Variants in ZNF667 observed in about 807,000 individuals in gnomAD.
ZNF667 encodes zinc finger protein 667.
In ZNF667, 13 loss-of-function variants were observed where a neutral mutation model predicts 31.8. The observed-to-expected ratio is 0.41, with a 90% CI of 0.27 to 0.65. The LOEUF is 0.65. Among genes scored for constraint, ZNF667 ranks in the 30% least tolerant of loss-of-function variants. The pLI, the probability that ZNF667 is intolerant of heterozygous loss-of-function variation, is 0.32. For synonymous variants in ZNF667, 228 were observed against 247.1 expected (o/e 0.92, Z 0.73); for missense variants, 642 against 725.6 (o/e 0.88, Z 1.32).
chr19:56,473,813 T>C (rs934468193), intron 2 of ZNF667, among the ~76,000 whole-genome samples, 199 bp downstream of exon 2: 1 of 152,108 alleles, frequency 6.6e-6, no homozygotes, highest in Admixed American at 6.5e-5. Context: ...CAAAATATAG[T>C]ATACAAATAC....
intron 1 of ZNF667, chr19:56,477,064 A>T (rs1369384053): frequency 6.6e-6 from 1 of 152,346 alleles, no homozygotes; most frequent in Non-Finnish European, 1.5e-5. Flanking sequence ...AGCCCCGAGA[A>T]CCACAGCAGC....
chr19:56,462,246 C>T, intron 4 of ZNF667, 92 bp downstream of exon 4: 1 of 1,515,084 alleles, frequency 6.6e-7, no homozygotes, highest in Non-Finnish European at 9.1e-7. Flanking sequence ...GGATCTCCAA[C>T]AGGCAACAAG....
rs149168669 is a variant in ZNF667 at position 56,442,633 on chromosome 19, C to T, written c.362G>A (p.Arg121Gln). The change falls in exon 7 of 7, where the codon CGA becomes CAA. Residue 121 changes from arginine (R) to glutamine (Q), a missense_variant. Coordinates refer to ENST00000504904, the MANE Select transcript of ZNF667 (RefSeq NM_001321356.2). ...TGAATTTTTGTTGCAGCCACTCTTTCGTGTAGGAGCTTTTTGTTGTGCAGA... is the reference window on the plus strand; with the variant it reads ...TGAATTTTTGTTGCAGCCACTCTTTTGTGTAGGAGCTTTTTGTTGTGCAGA... Reference protein sequence around the residue: ...LVSAQQKAPTRKSGCNKNSVL... With the variant: ...LVSAQQKAPTQKSGCNKNSVL... The T allele has an allele frequency of 3.1e-6, 5 of 1,613,784 alleles. No homozygotes were observed. The highest frequency in any genetic ancestry group is 2.2e-5 in the East Asian group (1 of 44,876).
At position 56,458,210 on chromosome 19, in the gene ZNF667, C is replaced by T; in HGVS notation, c.198G>A (p.Leu66=). 6.2e-7 allele frequency: 1 copy of T among 1,614,146 alleles called. No homozygotes were observed. The highest frequency in any genetic ancestry group is 8.5e-7 in the Non-Finnish European group (1 of 1,180,022). ...SFRRPNVITL[L]EKGKAPWMVE... is the part of the protein sequence containing the mutation. The stretch of plus-strand genomic sequence containing the variant: ...CCATCCAGGGTGCTTTCCCTTTCTC[C>T]AATAAGGTGATCACATTTGGTCTCC... The change falls in exon 6 of 7, where the codon TTG becomes TTA. Residue 66 remains leucine (L), a synonymous_variant. Transcript: ENST00000504904.
intron 6 of ZNF667, among the ~76,000 whole-genome samples, chr19:56,456,596 A>G (rs1020888309): frequency 6.6e-6 from 1 of 152,144 alleles, no homozygotes; most frequent in African/African-American, 2.4e-5. Context: ...CCCCTCTGTG[A>G]CTCAGTACTA....
At position 56,440,685 on chromosome 19, in the gene ZNF667, G is replaced by A. The variant is rs1297265835; in HGVS notation, c.*477C>T. On this transcript the variant is annotated 3_prime_UTR_variant, in exon 7 of 7. Transcript: ENST00000504904. ...AGAGTCTTGCTCTGTTGCCCAGACTGGAGTGCAGTGGTGCAATCTCTGCTC... is the reference window on the plus strand; with the variant it reads ...AGAGTCTTGCTCTGTTGCCCAGACTAGAGTGCAGTGGTGCAATCTCTGCTC... 1 of 760,970 alleles carries A rather than the reference G, an allele frequency of 1.3e-6. No homozygotes were observed. The highest frequency in any genetic ancestry group is 1.9e-5 in the African/African-American group (1 of 51,778). 47.1% of individuals were successfully genotyped at this position (760,970 alleles called of 1,614,324 possible). A position where few individuals can be genotyped will look rare whatever the true frequency, so the allele number is the denominator to read the frequency against.
chr19:56,444,054 T>C (rs2042671837), intron 6 of ZNF667: 1 of 392,130 alleles, frequency 2.6e-6, no homozygotes, highest in Non-Finnish European at 4.5e-6. Flanking sequence ...AGTATCTCAT[T>C]GTAAAAATGC....
chr19:56,467,361 CGGG>C, intron 3 of ZNF667, among the ~76,000 whole-genome samples: 1 of 151,840 alleles, frequency 6.6e-6, no homozygotes, highest in Non-Finnish European at 1.5e-5. Context: ...ATCTTGGGGG[CGGG>C]GGAAATTATC....
At position 56,440,831 on chromosome 19, in the gene ZNF667, T is replaced by C. The variant is rs1349453322; in HGVS notation, c.*331A>G. The C allele has an allele frequency of 1.2e-5, 10 of 849,126 alleles. No individual in the cohort carries two copies. Among genetic ancestry groups the C allele is most frequent in the Non-Finnish European group, 1.5e-5 (10 of 678,642 alleles). The allele number at this position is 849,126 out of a possible 1,614,324, so 52.6% of individuals were successfully genotyped here. On this transcript the variant is annotated 3_prime_UTR_variant, in exon 7 of 7. Coordinates refer to ENST00000504904, the MANE Select transcript of ZNF667 (RefSeq NM_001321356.2). ...TTGTATTTTTTAGTAGAGACAGGGT[T>C]TCACCGTGGTCTCAAACTCTTGACC...
chr19:56,476,194 C>T (rs1238729355), intron 1 of ZNF667, among the ~76,000 whole-genome samples: 1 of 152,122 alleles, frequency 6.6e-6, no homozygotes, highest in African/African-American at 2.4e-5. Flanking sequence ...CACCAGACAG[C>T]GGGGCGCCAC....
intron 6 of ZNF667, among the ~76,000 whole-genome samples, 158 bp from the exon 7 acceptor site, chr19:56,442,899 A>G (rs2147667661): frequency 6.6e-6 from 1 of 152,334 alleles, no homozygotes; most frequent in Non-Finnish European, 1.5e-5. Context: ...TGACTATACT[A>G]AAGGCTTTAC....
chr19:56,451,903 T>G (rs545582568), intron 6 of ZNF667, among the ~76,000 whole-genome samples: 3 of 136,664 alleles, frequency 2.2e-5, no homozygotes, highest in Non-Finnish European at 4.6e-5. Flanking sequence ...AAAAAAACTT[T>G]CAAATTGAAA....
At chr19:56,444,095 T>C (rs138076897) in intron 6 of ZNF667, 19 of 396,418 alleles carry the variant, frequency 4.8e-5, no homozygotes, top group African/African-American at 3.9e-4. Context: ...TTGGATATAT[T>C]AGGTTAAATA....
intron 6 of ZNF667, among the ~76,000 whole-genome samples, chr19:56,456,496 CTAGA>C (rs1326059278): frequency 6.6e-6 from 1 of 152,134 alleles, no homozygotes; most frequent in Non-Finnish European, 1.5e-5. Flanking sequence ...GAAATGTCTT[CTAGA>C]TAAAGACCTA....
intron 3 of ZNF667, chr19:56,467,100 A>G: frequency 2.2e-6 from 1 of 455,872 alleles, no homozygotes; most frequent in South Asian, 1.6e-5. Flanking sequence ...CATGCAGGTG[A>G]GCCATGGTCC....
rs141880406 is a variant in ZNF667 at position 56,441,639 on chromosome 19, G to A, written c.1356C>T (p.Phe452=). Residue 452 remains phenylalanine, a synonymous_variant, in exon 7 of 7, where the codon TTC becomes TTT. Transcript: ENST00000504904. The surrounding 1 kb of genome is among the most constrained non-coding windows in gnomAD (Gnocchi z 4.2). The part of the protein sequence containing the change: ...PFKCNKCSKV[F]GRQSFLIEHQ... ...GTTCAATAAGAAATGATTGGCGGCC[G>A]AAAACTTTACTACATTTATTGCATT... The A allele has an allele frequency of 4.0e-5, 65 of 1,613,820 alleles. No homozygotes were observed. In the African/African-American group the frequency reaches 5.5e-4, roughly 14 times the overall value.
rs765252167 is a variant in ZNF667, at chr19:56,441,234, T to C, written c.1761A>G (p.Lys587=). Residue 587 remains lysine, a synonymous_variant, in exon 7 of 7, where the codon AAA becomes AAG. Transcript: ENST00000504904. This position sits in a 1 kb window ranked among gnomAD's most constrained non-coding sequence, Gnocchi z 4.2. ...HSSEKPYECS[K]CGKAYSRSSS... ...AACTCCGACTATATGCCTTCCCACATTTACTACATTCATAGGGTTTCTCTG... is the reference window on the plus strand; with the variant it reads ...AACTCCGACTATATGCCTTCCCACACTTACTACATTCATAGGGTTTCTCTG... 6 of 1,614,122 alleles carry C rather than the reference T, an allele frequency of 3.7e-6. No homozygotes were observed. The highest frequency in any genetic ancestry group is 1.7e-4 in the Middle Eastern group (1 of 6,060).
At chr19:56,457,274 CG>C (rs2042953333) in intron 6 of ZNF667, among the ~76,000 whole-genome samples, 2 of 151,898 alleles carry the variant, frequency 1.3e-5, no homozygotes, top group African/African-American at 4.8e-5. Context: ...TGAATGTTAT[CG>C]TAAGTATTAA....
At chr19:56,452,386 A>G (rs1463136505) in intron 6 of ZNF667, among the ~76,000 whole-genome samples, 1 of 152,156 alleles carries the variant, frequency 6.6e-6, no homozygotes, top group African/African-American at 2.4e-5. Context: ...AAAATTCCTC[A>G]AAACAAATGA....
Sources: allele counts gnomAD v4.1 joint callset (sites outside exome capture counted in the v4.1 genomes callset), GRCh38; gene constraint gnomAD v4.1.1; non-coding constraint Gnocchi (gnomAD v3.1); transcripts MANE v1.5; gene names NCBI Gene and HGNC (gene_info 2026-07-23, HGNC 2026-07-21).